The following MAGI2 variants were observed in gnomAD, a reference collection of about 807,000 sequenced individuals.
MAGI2 encodes the protein membrane-associated guanylate kinase, WW and PDZ domain-containing protein 2.
In MAGI2, 35 loss-of-function variants were observed where a neutral mutation model predicts 133.3. The ratio of observed to expected loss-of-function variants is 0.26; its 90% confidence interval spans 0.20 to 0.35. The LOEUF (loss-of-function observed/expected upper bound fraction) is 0.35, where lower values mean the gene tolerates loss of function less well. Among genes scored for constraint, MAGI2 ranks in the 10% least tolerant of loss-of-function variants. The pLI is 1.00. For synonymous variants in MAGI2, 729 were observed against 710.6 expected, an observed-to-expected ratio of 1.03 and a Z score of -0.41; for missense variants, 1,636 against 1,863.4, an observed-to-expected ratio of 0.88 and a Z score of 2.25.
intron 1 of MAGI2, among the ~76,000 whole-genome samples, chr7:79,297,505 TAGTC>T (rs1385730875): frequency 1.3e-5 from 2 of 152,174 alleles, no homozygotes; most frequent in East Asian, 1.9e-4. Context: ...TTATTCTAAT[TAGTC>T]AGATACTATT....
intron 1 of MAGI2, among the ~76,000 whole-genome samples, chr7:79,199,771 C>G (rs1316268953): frequency 6.6e-6 from 1 of 151,828 alleles, no homozygotes; most frequent in Non-Finnish European, 1.5e-5. Context: ...AAGTAGATGT[C>G]CTTGGCAGTG....
intron 1 of MAGI2, among the ~76,000 whole-genome samples, chr7:79,443,681 C>T (rs1461029605): frequency 1.3e-5 from 2 of 152,138 alleles, no homozygotes; most frequent in Non-Finnish European, 2.9e-5. Flanking sequence ...CAGACATTCC[C>T]TGTGATCTAT....
intron 2 of MAGI2, among the ~76,000 whole-genome samples, chr7:78,852,054 C>T (rs763187999): frequency 6.6e-6 from 1 of 151,944 alleles, no homozygotes; most frequent in Non-Finnish European, 1.5e-5. Context: ...TATTATATTG[C>T]CATATTTTTA....
intron 1 of MAGI2, among the ~76,000 whole-genome samples, chr7:79,240,639 G>A (rs1832321900): frequency 6.6e-6 from 1 of 151,988 alleles, no homozygotes; most frequent in Admixed American, 6.6e-5. Flanking sequence ...TACAATTTTT[G>A]TCTCCTTCCA....
intron 1 of MAGI2, chr7:79,411,207 G>A (rs1846117975): frequency 6.6e-6 from 1 of 151,818 alleles, no homozygotes; most frequent in Non-Finnish European, 1.5e-5. Context: ...CTTTGTGGTA[G>A]GCAGAATAAT....
At chr7:79,443,867 G>A (rs967633182) in intron 1 of MAGI2, among the ~76,000 whole-genome samples, 3 of 151,948 alleles carry the variant, frequency 2.0e-5, no homozygotes, top group African/African-American at 7.2e-5. Context: ...AAATAGTTTT[G>A]TTTCTTTCTG....
intron 1 of MAGI2, among the ~76,000 whole-genome samples, chr7:79,438,301 A>G (rs186640166): frequency 2.1e-3 from 317 of 152,288 alleles, no homozygotes; most frequent in African/African-American, 7.4e-3. Context: ...ATGAAACAAG[A>G]AAATCTCCTA....
In MAGI2 at chr7:79,225,825, C is replaced by G. The variant is rs566743755; in HGVS notation, c.302-218619G>C. ...TCAACTGAGCCTGTTTTGTAATATTCTAAACTGCTGACCCTATCTTCTTTC... is the reference window on the plus strand; with the variant it reads ...TCAACTGAGCCTGTTTTGTAATATTGTAAACTGCTGACCCTATCTTCTTTC... On this transcript the variant is annotated intron_variant, in intron 1 of 21. Coordinates refer to ENST00000354212, the MANE Select transcript of MAGI2 (RefSeq NM_012301.4). Among the ~76,000 whole-genome samples, 3 of 152,296 alleles carry G rather than the reference C, an allele frequency of 2.0e-5. No homozygotes were observed. The East Asian group carries it at 5.8e-4, about 29-fold the overall frequency.
chr7:78,536,925 CTG>C, intron 3 of MAGI2, among the ~76,000 whole-genome samples: 1 of 152,032 alleles, frequency 6.6e-6, no homozygotes, highest in Non-Finnish European at 1.5e-5. Flanking sequence ...GCAGTGTACT[CTG>C]TACCCAATGT....
At chr7:78,078,910 G>A (rs776703135) in intron 21 of MAGI2, 37 bp downstream of exon 21, 9 of 1,612,740 alleles carry the variant, frequency 5.6e-6, no homozygotes, top group African/African-American at 1.3e-5. Context: ...GTTCACAGAA[G>A]GAAGAGCAAA....
At chr7:78,215,662 C>T (rs372650602) in intron 10 of MAGI2, among the ~76,000 whole-genome samples, 8 of 152,148 alleles carry the variant, frequency 5.3e-5, no homozygotes, top group East Asian at 1.9e-4. Flanking sequence ...GGATTCTCAA[C>T]GGCCTCAGCA....
At chr7:79,186,322 C>T (rs1235131198) in intron 1 of MAGI2, among the ~76,000 whole-genome samples, 1 of 148,352 alleles carries the variant, frequency 6.7e-6, no homozygotes, top group African/African-American at 2.5e-5. Flanking sequence ...ACTTATCACT[C>T]AGTCTTTTAA....
chr7:79,105,692 T>G (rs1011242981), intron 1 of MAGI2, among the ~76,000 whole-genome samples: 1 of 152,144 alleles, frequency 6.6e-6, no homozygotes, highest in African/African-American at 2.4e-5. Flanking sequence ...CAGAGCAAAA[T>G]TCATATATAA....
intron 16 of MAGI2, among the ~76,000 whole-genome samples, chr7:78,135,723 A>G (rs1822045751): frequency 8.4e-6 from 1 of 119,734 alleles, no homozygotes; most frequent in Non-Finnish European, 1.7e-5. Flanking sequence ...AGAGGAGAAA[A>G]CAAGGAAGGA....
chr7:78,756,426 T>A (rs1035500201), intron 2 of MAGI2, among the ~76,000 whole-genome samples: 1 of 152,156 alleles, frequency 6.6e-6, no homozygotes, highest in Non-Finnish European at 1.5e-5. Context: ...ATATATTTAG[T>A]TATTTTTTTT....
chr7:79,406,444 A>G (rs1174786356), intron 1 of MAGI2, among the ~76,000 whole-genome samples: 1 of 152,144 alleles, frequency 6.6e-6, no homozygotes, highest in Non-Finnish European at 1.5e-5. Context: ...TGAAAATGAG[A>G]CTACTATTTT....
At position 78,605,235 on chromosome 7, in the gene MAGI2, A is replaced by G. The variant is rs575004409; in HGVS notation, c.538+21885T>C. Among the ~76,000 whole-genome samples, 25 of 152,362 alleles carry G rather than the reference A, an allele frequency of 1.6e-4. No homozygotes were observed. The South Asian group carries it at 3.7e-3, about 23-fold the overall frequency. On this transcript the variant is annotated intron_variant, in intron 3 of 21. Coordinates refer to ENST00000354212, the MANE Select transcript of MAGI2 (RefSeq NM_012301.4). The stretch of plus-strand genomic sequence containing the variant: ...AATGGTAGAACTAAGGAGAAATGGA[A>G]GAATTCAAATGATACTGAAAAAGTA...
chr7:78,494,332 G>T (rs1335292921), intron 5 of MAGI2, among the ~76,000 whole-genome samples: 1 of 151,982 alleles, frequency 6.6e-6, no homozygotes, highest in Non-Finnish European at 1.5e-5. Context: ...TTAGAAACCT[G>T]ATTCATATAA....
chr7:79,365,165 G>C (rs916351542), intron 1 of MAGI2, among the ~76,000 whole-genome samples: 7 of 152,102 alleles, frequency 4.6e-5, no homozygotes, highest in Admixed American at 2.0e-4. Context: ...TCAGAGATAC[G>C]CAAATTAAAT....
Sources: gnomAD v4.1 joint callset for allele counts (sites outside exome capture counted in the v4.1 genomes callset) on GRCh38, gnomAD v4.1.1 for gene constraint, MANE v1.5 for transcripts, NCBI Gene and HGNC (gene_info 2026-07-23, HGNC 2026-07-21) for gene names.